SMAP2: variants seen among roughly 807,000 people sequenced by gnomAD.
SMAP2 encodes small ArfGAP2.
In SMAP2, 25 loss-of-function variants were observed where a neutral mutation model predicts 56.4. That is an observed-to-expected ratio of 0.44 (90% CI 0.32 to 0.62). SMAP2 has a LOEUF of 0.62. Ranked by LOEUF, SMAP2 falls within the 20% of genes least tolerant of loss-of-function variation. SMAP2 has a pLI of 0.04. For synonymous variants in SMAP2, 157 were observed against 181.7 expected (o/e 0.86, Z 1.09); for missense variants, 388 against 545.6 (o/e 0.71, Z 2.88).
intron 1 of SMAP2, among the ~76,000 whole-genome samples, chr1:40,361,969 G>A (rs901163932): frequency 6.6e-6 from 1 of 152,162 alleles, no homozygotes; most frequent in Non-Finnish European, 1.5e-5. Flanking sequence ...TTTAAAGAAG[G>A]GACCATTTTG....
upstream of SMAP2, among the ~76,000 whole-genome samples, chr1:40,371,137 C>T (rs1185431418): frequency 6.6e-6 from 1 of 151,998 alleles, no homozygotes; most frequent in Non-Finnish European, 1.5e-5. Flanking sequence ...CGCACCACTG[C>T]ACTCCAGCCT....
chr1:40,378,962 A>ATTTCT (rs201740296), intron 1 of SMAP2, among the ~76,000 whole-genome samples: 4 of 148,550 alleles, frequency 2.7e-5, no homozygotes, highest in East Asian at 2.0e-4. Context: ...ATTGTTGGCA[A>ATTTCT]TTTCTTTTCT....
At chr1:40,352,026 T>A (rs6692971) in intron 1 of SMAP2, among the ~76,000 whole-genome samples, 29 of 151,430 alleles carry the variant, frequency 1.9e-4, no homozygotes, top group Admixed American at 1.9e-3. Context: ...CATCCATGAA[T>A]TTTTTTTTCT....
At chr1:40,396,139 C>T (rs749819451) in intron 1 of SMAP2, among the ~76,000 whole-genome samples, 35 of 152,152 alleles carry the variant, frequency 2.3e-4, no homozygotes, top group Non-Finnish European at 2.9e-4. Flanking sequence ...TCCAAACCTC[C>T]ATCTTTATCT....
In SMAP2 at chr1:40,375,048, C is replaced by T. The variant is rs551503148; in HGVS notation, c.103+825C>T. On this transcript the variant is annotated intron_variant, in intron 1 of 9. Coordinates refer to ENST00000372718, the MANE Select transcript of SMAP2 (RefSeq NM_022733.3). Reference sequence around the variant, plus strand: ...ATATGATCATTGTAAATTGGCAGAACCATTTAGTCTTTGTTTTCTGTGCCC... The same window carrying T: ...ATATGATCATTGTAAATTGGCAGAATCATTTAGTCTTTGTTTTCTGTGCCC... 1.5e-4 allele frequency: 143 copies of T among 985,334 alleles called. 1 individual carries two copies. The South Asian group carries it at 5.7e-3, about 39-fold the overall frequency. The allele number at this position is 985,334 out of a possible 1,614,324, so 61.0% of individuals were successfully genotyped here. A position where few individuals can be genotyped will look rare whatever the true frequency, so the allele number is the denominator to read the frequency against.
chr1:40,374,647 C>CGAGGAG lies in SMAP2; in HGVS notation c.103+435_103+440dup, dbSNP rs754713538. On this transcript the variant is annotated intron_variant, in intron 1 of 9. Transcript: ENST00000372718. This position sits in a 1 kb window ranked among gnomAD's most constrained non-coding sequence, Gnocchi z 5.9. ...TGTGAGAGAGAGAGAGAGAGAATGACGAGGAGGAGGAGGAGGGAAGTGAGA... is the reference window on the plus strand; with the variant it reads ...TGTGAGAGAGAGAGAGAGAGAATGACGAGGAGGAGGAGGAGGAGGAGGGAAGTGAGA... The CGAGGAG allele has an allele frequency of 4.0e-6, 6 of 1,502,448 alleles. No homozygotes were observed. Among genetic ancestry groups the CGAGGAG allele is most frequent in the Non-Finnish European group, 5.4e-6 (6 of 1,112,168 alleles). 93.1% of individuals were successfully genotyped at this position (1,502,448 alleles called of 1,614,324 possible).
intron 1 of SMAP2, among the ~76,000 whole-genome samples, chr1:40,397,533 A>G (rs1174532608): frequency 6.6e-6 from 1 of 151,962 alleles, no homozygotes; most frequent in Non-Finnish European, 1.5e-5. Flanking sequence ...GCATTTGAAA[A>G]CTTCTCCCTT....
upstream of SMAP2, among the ~76,000 whole-genome samples, chr1:40,373,151 A>G (rs1236007593): frequency 6.6e-6 from 1 of 152,234 alleles, no homozygotes; most frequent in Non-Finnish European, 1.5e-5. Context: ...TCTGGGCACC[A>G]GGCCAAACAA....
At chr1:40,384,827 C>T (rs946789736) in intron 1 of SMAP2, among the ~76,000 whole-genome samples, 1 of 152,190 alleles carries the variant, frequency 6.6e-6, no homozygotes, top group African/African-American at 2.4e-5. Context: ...AGACTGCTTC[C>T]CAGAGTACCA....
At position 40,386,295 on chromosome 1, in the gene SMAP2, G is replaced by A. The variant is rs190848975; in HGVS notation, c.103+12072G>A. ...TTTTTACTGAAAGATTAGCTGTTTG[G>A]AACAGGGATTGACTTTGTCTCTCTG... On this transcript the variant is annotated intron_variant, in intron 1 of 9. Transcript: ENST00000372718. This position sits in a 1 kb window ranked among gnomAD's most constrained non-coding sequence, Gnocchi z 4.1. 6.6e-6 allele frequency among the ~76,000 whole-genome samples: 1 copy of A among 152,346 alleles called. No homozygotes were observed. Among genetic ancestry groups the A allele is most frequent in the East Asian group, 1.9e-4 (1 of 5,194 alleles).
chr1:40,375,111 C>T, intron 1 of SMAP2: 1 of 984,580 alleles, frequency 1.0e-6, no homozygotes, highest in Non-Finnish European at 1.2e-6. Context: ...AAAGTCAGTA[C>T]AATAGGAAAT....
At chr1:40,352,158 G>A (rs1386072158) in intron 1 of SMAP2, among the ~76,000 whole-genome samples, 1 of 152,146 alleles carries the variant, frequency 6.6e-6, no homozygotes, top group African/African-American at 2.4e-5. Flanking sequence ...TATAAATAAT[G>A]TTTAAAATAA....
chr1:40,347,666 C>T (rs1028307193), intron 1 of SMAP2, among the ~76,000 whole-genome samples: 21 of 152,124 alleles, frequency 1.4e-4, no homozygotes, highest in African/African-American at 5.1e-4. Context: ...CTGTACCTGG[C>T]CTGTCTTCAG....
intron 1 of SMAP2, among the ~76,000 whole-genome samples, chr1:40,351,890 G>T (rs182635241): frequency 1.3e-5 from 2 of 151,880 alleles, no homozygotes; most frequent in Admixed American, 1.3e-4. Context: ...TACCCACCTC[G>T]GCCTCCCAAA....
At chr1:40,414,317 G>A in intron 6 of SMAP2, 77 bp downstream of exon 6, 1 of 1,355,574 alleles carries the variant, frequency 7.4e-7, no homozygotes, top group African/African-American at 1.4e-5. Context: ...GATAGGTAGA[G>A]ATGGGGTTCT....
At chr1:40,401,907 A>G (rs990009136) in intron 1 of SMAP2, among the ~76,000 whole-genome samples, 7 of 151,834 alleles carry the variant, frequency 4.6e-5, no homozygotes, top group African/African-American at 1.2e-4. Context: ...TACTTTTTTC[A>G]TTTTCCCTGA....
chr1:40,383,420 G>C (rs539120187), intron 1 of SMAP2, among the ~76,000 whole-genome samples: 1 of 152,142 alleles, frequency 6.6e-6, no homozygotes, highest in Non-Finnish European at 1.5e-5. Context: ...GTGATCAAGC[G>C]GAGCAAGGGA....
chr1:40,365,587 G>A (rs1418018596), intron 2 of SMAP2, among the ~76,000 whole-genome samples: 2 of 152,146 alleles, frequency 1.3e-5, no homozygotes, highest in Non-Finnish European at 2.9e-5. Context: ...CAGCGTGACC[G>A]ACGCAGAAGA....
intron 1 of SMAP2, among the ~76,000 whole-genome samples, chr1:40,398,551 C>CTA (rs772174870): frequency 3.3e-5 from 5 of 152,150 alleles, no homozygotes; most frequent in African/African-American, 4.8e-5. Flanking sequence ...TTAATGTAAC[C>CTA]TATTAATGTT....
Sources: allele counts gnomAD v4.1 joint callset (sites outside exome capture counted in the v4.1 genomes callset), GRCh38; gene constraint gnomAD v4.1.1; non-coding constraint Gnocchi (gnomAD v3.1); transcripts MANE v1.5; gene names NCBI Gene and HGNC (gene_info 2026-07-23, HGNC 2026-07-21).